Variants in RAP1A observed in about 807,000 individuals in gnomAD.
RAP1A encodes RAP1A, member of RAS oncogene family, also known as ras-related protein Rap-1A.
Under a neutral mutation model 26.4 loss-of-function variants are expected in RAP1A, and 6 were observed. The observed-to-expected ratio is 0.23, with a 90% CI of 0.12 to 0.45. RAP1A has a LOEUF of 0.45. RAP1A is among the 20% of genes least tolerant of loss of function. RAP1A has a pLI of 0.99. For missense variants in RAP1A, 121 were observed against 217.2 expected (o/e 0.56, Z 2.78); for synonymous variants, 73 against 79.4 (o/e 0.92, Z 0.43).
rs532707263 is a variant in RAP1A, at chr1:111,678,195, T to C, written c.-27-13139T>C. ...CACTGCTGATTGAGTTTGCATTGAA[T>C]CTGCAGATCAACATGAAGAGAATGA... On this transcript the variant is annotated intron_variant, in intron 1 of 7. Coordinates refer to ENST00000369709, the MANE Select transcript of RAP1A (RefSeq NM_002884.4). Among the ~76,000 whole-genome samples, 35 of 152,362 alleles carry C rather than the reference T, an allele frequency of 2.3e-4. 1 individual carries two copies. In the South Asian group the frequency reaches 7.2e-3, roughly 32 times the overall value.
chr1:111,613,434 C>G (rs902722197), intron 1 of RAP1A, among the ~76,000 whole-genome samples: 1 of 152,140 alleles, frequency 6.6e-6, no homozygotes, highest in Non-Finnish European at 1.5e-5. Context: ...CTCCTGACCT[C>G]GTGATCCTCC....
intron 1 of RAP1A, chr1:111,608,713 AC>A (rs2101078289): frequency 6.2e-6 from 1 of 161,248 alleles, no homozygotes; most frequent in East Asian, 1.9e-4. Context: ...AGCCCGGCCA[AC>A]ACAGCGAAAC....
At chr1:111,709,314 C>T in intron 7 of RAP1A, 50 bp downstream of exon 7, 2 of 1,491,528 alleles carry the variant, frequency 1.3e-6, no homozygotes, top group South Asian at 1.4e-5. Context: ...CCTATTTTGG[C>T]TTTTTCCAGA....
At chr1:111,701,367 G>A (rs919572375) in intron 4 of RAP1A, among the ~76,000 whole-genome samples, 15 of 152,086 alleles carry the variant, frequency 9.9e-5, no homozygotes, top group African/African-American at 2.9e-4. Context: ...TTGCTCAAAT[G>A]TTACCCGTGA....
At chr1:111,598,692 G>C (rs1276730148) in intron 1 of RAP1A, among the ~76,000 whole-genome samples, 1 of 152,260 alleles carries the variant, frequency 6.6e-6, no homozygotes, top group Non-Finnish European at 1.5e-5. Context: ...GAAGTCTTCT[G>C]TGACCAAATG....
chr1:111,563,905 C>T (rs945660742), intron 1 of RAP1A: 1 of 1,613,886 alleles, frequency 6.2e-7, no homozygotes. Flanking sequence ...AGGAGCTTTC[C>T]CACCTGGCCT....
intron 1 of RAP1A, among the ~76,000 whole-genome samples, chr1:111,667,966 A>G (rs891786205): frequency 4.6e-5 from 7 of 152,280 alleles, no homozygotes; most frequent in East Asian, 1.9e-4. Context: ...AGCTCAGTCT[A>G]TGAGGAGACT....
chr1:111,629,828 A>G (rs369851066), intron 1 of RAP1A, among the ~76,000 whole-genome samples: 1 of 152,178 alleles, frequency 6.6e-6, no homozygotes, highest in South Asian at 2.1e-4. Context: ...GATCTCAGAT[A>G]TTCAAAACGA....
intron 4 of RAP1A, among the ~76,000 whole-genome samples, chr1:111,701,985 A>G (rs553029529): frequency 6.6e-6 from 1 of 152,328 alleles, no homozygotes; most frequent in East Asian, 1.9e-4. Flanking sequence ...AAGCTCAGCC[A>G]TGTTCCTGTG....
intron 5 of RAP1A, among the ~76,000 whole-genome samples, chr1:111,703,739 A>T (rs1013107825): frequency 6.6e-6 from 1 of 152,276 alleles, no homozygotes; most frequent in African/African-American, 2.4e-5. Flanking sequence ...GAGGAGCCAA[A>T]GAATACTTCA....
chr1:111,707,223 GT>G (rs935646354), intron 6 of RAP1A, among the ~76,000 whole-genome samples: 31 of 151,184 alleles, frequency 2.1e-4, no homozygotes, highest in African/African-American at 6.5e-4. Context: ...AATCATTCAG[GT>G]TTTTTTTTAA....
chr1:111,552,462 C>G (rs1279221757), intron 1 of RAP1A, among the ~76,000 whole-genome samples: 1 of 152,174 alleles, frequency 6.6e-6, no homozygotes, highest in Non-Finnish European at 1.5e-5. Context: ...AAAGTAGATT[C>G]TGATCATTTT....
At chr1:111,574,968 T>A (rs949529022) in intron 1 of RAP1A, among the ~76,000 whole-genome samples, 1 of 152,206 alleles carries the variant, frequency 6.6e-6, no homozygotes, top group African/African-American at 2.4e-5. Context: ...CACAAACATA[T>A]ATGTTTTATG....
At position 111,574,761 on chromosome 1, in the gene RAP1A, T is replaced by C. The variant is rs546767088; in HGVS notation, c.-28+32252T>C. On this transcript the variant is annotated intron_variant, in intron 1 of 7. Transcript: ENST00000356415. ...AGTAACTGTAGTAAATAGTTGGAAC[T>C]GACCTGAAACAAGTGTAGTACCAGA... 2.6e-5 allele frequency among the ~76,000 whole-genome samples: 4 copies of C among 152,378 alleles called. No individual in the cohort carries two copies. The South Asian group carries it at 8.3e-4, about 32-fold the overall frequency.
intron 1 of RAP1A, among the ~76,000 whole-genome samples, chr1:111,601,132 C>A (rs1007873522): frequency 4.6e-5 from 7 of 152,184 alleles, no homozygotes; most frequent in Admixed American, 4.6e-4. Context: ...ATATTTAGAC[C>A]ATGTAAGAAC....
intron 1 of RAP1A, among the ~76,000 whole-genome samples, chr1:111,543,415 T>C (rs1312396632): frequency 2.6e-5 from 4 of 152,272 alleles, no homozygotes; most frequent in Admixed American, 6.5e-5. Context: ...CCATCTCCCG[T>C]CTATTCGCCA....
chr1:111,580,229 GT>G (rs1323503804), intron 1 of RAP1A, among the ~76,000 whole-genome samples: 2 of 152,220 alleles, frequency 1.3e-5, no homozygotes, highest in Non-Finnish European at 2.9e-5. Flanking sequence ...GTTAGGGACT[GT>G]TTGTATTAGG....
rs1230888993 is a variant in RAP1A, at chr1:111,715,742, T to A, written c.*3341T>A. On this transcript the variant is annotated 3_prime_UTR_variant, in exon 8 of 8. Transcript: ENST00000369709. ...ATGTACTTGGAAAAGTTAATACTTA[T>A]AGAAAATAATGATCTTTATTACCAA... 1 of 152,250 alleles carries A rather than the reference T, an allele frequency of 6.6e-6. No homozygotes were observed. The highest frequency in any genetic ancestry group is 1.5e-5 in the Non-Finnish European group (1 of 68,042). The allele number at this position is 152,250 out of a possible 1,614,324, so 9.4% of individuals were successfully genotyped here.
intron 2 of RAP1A, among the ~76,000 whole-genome samples, chr1:111,694,455 T>C (rs902721531): frequency 6.6e-6 from 1 of 152,244 alleles, no homozygotes; most frequent in African/African-American, 2.4e-5. Flanking sequence ...TAGGCAATAA[T>C]GTACCAGACC....
Sources: gnomAD v4.1 joint callset for allele counts (sites outside exome capture counted in the v4.1 genomes callset) on GRCh38, gnomAD v4.1.1 for gene constraint, MANE v1.5 for transcripts, NCBI Gene and HGNC (gene_info 2026-07-23, HGNC 2026-07-21) for gene names.